TMEM45B: variants seen among roughly 807,000 people sequenced by gnomAD.
The protein encoded by TMEM45B is transmembrane protein 45B.
Under a neutral mutation model 27.3 loss-of-function variants are expected in TMEM45B, and 29 were observed. That is an observed-to-expected ratio of 1.06 (90% CI 0.79 to 1.45). TMEM45B has a LOEUF of 1.45. Ranked by LOEUF, TMEM45B falls within the 40% of genes most tolerant of loss-of-function variation. TMEM45B has a pLI of 0.00. For synonymous variants in TMEM45B, 143 were observed against 134.7 expected (o/e 1.06, Z -0.43); for missense variants, 348 against 343.9 (o/e 1.01, Z -0.09).
At chr11:129,851,574 T>C (rs1163821268) in intron 1 of TMEM45B, among the ~76,000 whole-genome samples, 1 of 144,388 alleles carries the variant, frequency 6.9e-6, no homozygotes, top group Non-Finnish European at 1.5e-5. Context: ...CTTCTCTTAA[T>C]GCTATCACCT....
rs766021498 is a variant in TMEM45B, at chr11:129,857,451, G to A, written c.709G>A (p.Val237Ile). 6 of 1,614,120 alleles carry A rather than the reference G, an allele frequency of 3.7e-6. No individual in the cohort carries two copies. The Admixed American group carries it at 1.0e-4, about 27-fold the overall frequency. Residue 237 changes from valine to isoleucine, a missense_variant, in exon 5 of 6, where the codon GTT (valine) becomes ATT (isoleucine). Physicochemically the swap from Val to Ile is conservative, Grantham distance 29. Coordinates refer to ENST00000281441, the MANE Select transcript of TMEM45B (RefSeq NM_138788.5). ...CATTGTGGCCGTCAACTATTCTCTT[G>A]TTTACTGGTATGTCTGAGACTTCAG... ...LSIVAVNYSL[V>I]YCLLTRMKRH...
intron 1 of TMEM45B, among the ~76,000 whole-genome samples, chr11:129,845,295 G>GTGTC (rs1947744905): frequency 6.9e-6 from 1 of 144,692 alleles, no homozygotes; most frequent in African/African-American, 2.7e-5. Flanking sequence ...GTGTGTGTGT[G>GTGTC]TGTATGCATG....
chr11:129,820,422 T>C (rs564410469), intron 1 of TMEM45B, among the ~76,000 whole-genome samples: 4 of 152,252 alleles, frequency 2.6e-5, no homozygotes, highest in Admixed American at 2.6e-4. Context: ...GTTTTATGAG[T>C]CATAGATCCT....
chr11:129,819,955 T>C (rs1325613740), intron 1 of TMEM45B, among the ~76,000 whole-genome samples: 2 of 152,132 alleles, frequency 1.3e-5, no homozygotes, highest in African/African-American at 4.8e-5. Flanking sequence ...ACATACACAC[T>C]GTTAACGGTG....
chr11:129,834,820 A>C (rs1206928342), intron 1 of TMEM45B, among the ~76,000 whole-genome samples: 1 of 151,816 alleles, frequency 6.6e-6, no homozygotes, highest in Non-Finnish European at 1.5e-5. Context: ...CCACAAAAAA[A>C]AAAAAAAAAA....
intron 1 of TMEM45B, among the ~76,000 whole-genome samples, chr11:129,845,147 A>C (rs1947741535): frequency 6.6e-6 from 1 of 152,236 alleles, no homozygotes; most frequent in African/African-American, 2.4e-5. Context: ...CTTTATAACA[A>C]GCCCAAACAT....
chr11:129,815,863 C>T lies in TMEM45B; in HGVS notation c.-44C>T. On this transcript the variant is annotated 5_prime_UTR_variant, in exon 1 of 6. Coordinates refer to ENST00000281441, the MANE Select transcript of TMEM45B (RefSeq NM_138788.5). ...CTGGGCGGACGCACTTGGCGCGCGG[C>T]GCGGGCTGCAGACGGCTGCGAGGCG... is the stretch of plus-strand genomic sequence containing the variant. 1 of 1,305,710 alleles carries T rather than the reference C, an allele frequency of 7.7e-7. No individual in the cohort carries two copies. The highest frequency in any genetic ancestry group is 3.1e-5 in the East Asian group (1 of 32,238). 80.9% of individuals were successfully genotyped at this position (1,305,710 alleles called of 1,614,324 possible). A position where few individuals can be genotyped will look rare whatever the true frequency, so the allele number is the denominator to read the frequency against.
Position 129,859,722 on chromosome 11 carries a change from A to C in TMEM45B, c.*1037A>C, listed in dbSNP as rs1947982473. ...GTAGTTCCAGCTACTCGGGAGGCTGAGGCAAGAGAATGGCATGAACCCGGT... is the reference window on the plus strand; with the variant it reads ...GTAGTTCCAGCTACTCGGGAGGCTGCGGCAAGAGAATGGCATGAACCCGGT... On this transcript the variant is annotated 3_prime_UTR_variant, in exon 6 of 6. Coordinates refer to ENST00000281441, the MANE Select transcript of TMEM45B (RefSeq NM_138788.5). The C allele has an allele frequency of 6.6e-6, 1 of 152,192 alleles. No individual in the cohort carries two copies. Among genetic ancestry groups the C allele is most frequent in the Admixed American group, 6.5e-5 (1 of 15,278 alleles). 9.4% of individuals were successfully genotyped at this position (152,192 alleles called of 1,614,324 possible). A position where few individuals can be genotyped will look rare whatever the true frequency, so the allele number is the denominator to read the frequency against.
intron 1 of TMEM45B, among the ~76,000 whole-genome samples, chr11:129,833,384 G>T (rs1216991501): frequency 1.3e-5 from 2 of 152,150 alleles, no homozygotes; most frequent in African/African-American, 4.8e-5. Context: ...CAGTGCCTCA[G>T]AATATGCCTG....
At chr11:129,857,217 G>A in intron 4 of TMEM45B, 96 bp from the exon 5 acceptor site, 1 of 1,435,464 alleles carries the variant, frequency 7.0e-7, no homozygotes. Context: ...TGAGGCGGTG[G>A]TCACACATGG....
chr11:129,817,187 C>T lies in TMEM45B; in HGVS notation c.-9+1289C>T, dbSNP rs1287689417. Reference sequence around the variant, plus strand: ...ACAGCATTTTACCTGCAATTTTACACTCATTTTAATAGAAAGGATGGCTTA... The same window carrying T: ...ACAGCATTTTACCTGCAATTTTACATTCATTTTAATAGAAAGGATGGCTTA... On this transcript the variant is annotated intron_variant, in intron 1 of 5. Coordinates refer to ENST00000281441, the MANE Select transcript of TMEM45B (RefSeq NM_138788.5). Among the ~76,000 whole-genome samples the T allele has an allele frequency of 2.6e-5, 4 of 152,300 alleles. No individual in the cohort carries two copies. In the East Asian group the frequency reaches 7.7e-4, roughly 29 times the overall value.
intron 1 of TMEM45B, among the ~76,000 whole-genome samples, chr11:129,821,980 G>A (rs930020090): frequency 2.0e-5 from 3 of 151,912 alleles, no homozygotes; most frequent in African/African-American, 7.3e-5. Flanking sequence ...TAATTTCCTC[G>A]TTCTTTCTTT....
intron 1 of TMEM45B, among the ~76,000 whole-genome samples, chr11:129,816,913 AT>A (rs35094646): frequency 0.29 from 39,122 of 135,508 alleles, 5,539 homozygotes; most frequent in East Asian, 0.48. Flanking sequence ...AATTTTTTGT[AT>A]TTTTTTTTTT....
chr11:129,857,076 ACTC>A (rs1947939107), intron 4 of TMEM45B, among the ~76,000 whole-genome samples: 1 of 148,410 alleles, frequency 6.7e-6, no homozygotes, highest in African/African-American at 2.5e-5. Flanking sequence ...CTGGTCTTGA[ACTC>A]CTAACCTTGT....
At chr11:129,819,584 T>G (rs547340201) in intron 1 of TMEM45B, among the ~76,000 whole-genome samples, 1 of 152,166 alleles carries the variant, frequency 6.6e-6, no homozygotes, top group Non-Finnish European at 1.5e-5. Context: ...TCTCATCTCT[T>G]TCTTTCTTTT....
intron 1 of TMEM45B, among the ~76,000 whole-genome samples, chr11:129,851,979 A>AATCATCCGTTCATGTCTTCTGC (rs1427390970): frequency 6.6e-6 from 1 of 152,126 alleles, no homozygotes; most frequent in Non-Finnish European, 1.5e-5. Context: ...TTATTTTGTG[A>AATCATCCGTTCATGTCTTCTGC]ATCATCCGTT....
chr11:129,842,118 C>T (rs546714722), intron 1 of TMEM45B, among the ~76,000 whole-genome samples: 2 of 152,174 alleles, frequency 1.3e-5, no homozygotes, highest in South Asian at 2.1e-4. Flanking sequence ...TAGAAATGAT[C>T]CAATTCGAAA....
At chr11:129,835,428 G>C (rs1239875326) in intron 1 of TMEM45B, among the ~76,000 whole-genome samples, 2 of 152,140 alleles carry the variant, frequency 1.3e-5, no homozygotes, top group African/African-American at 4.8e-5. Context: ...CAAGGTTTTT[G>C]AGAATTTATA....
chr11:129,831,162 G>A (rs1166456044), intron 1 of TMEM45B, among the ~76,000 whole-genome samples: 2 of 152,112 alleles, frequency 1.3e-5, no homozygotes, highest in East Asian at 3.9e-4. Context: ...ACAATATACT[G>A]CTCACAATTT....
Sources: allele counts gnomAD v4.1 joint callset (sites outside exome capture counted in the v4.1 genomes callset), GRCh38; gene constraint gnomAD v4.1.1; transcripts MANE v1.5; gene names NCBI Gene and HGNC (gene_info 2026-07-23, HGNC 2026-07-21).